The following LMBR1 variants were observed in gnomAD, a reference collection of about 807,000 sequenced individuals.
LMBR1 encodes the protein limb region 1 protein homolog.
LMBR1 carries 52 observed loss-of-function variants against 73.9 expected under a neutral mutation model. The observed-to-expected ratio is 0.70, with a 90% CI of 0.56 to 0.89. The LOEUF is 0.89. Among genes scored for constraint, LMBR1 ranks in the 40% least tolerant of loss-of-function variants. LMBR1 has a pLI of 0.00. For synonymous variants in LMBR1, 215 were observed against 209.4 expected (o/e 1.03, Z -0.23); for missense variants, 539 against 579.8 (o/e 0.93, Z 0.72).
rs1193026423 is a variant in LMBR1, at chr7:156,685,697, T to C, written c.1388-1534A>G. On this transcript the variant is annotated intron_variant, in intron 16 of 16. Transcript: ENST00000353442. The surrounding 1 kb of genome is among the most constrained non-coding windows in gnomAD (Gnocchi z 4.1). ...CTGTGGCCACTGTCACATAGGCAAG[T>C]GGTCTGTTATTGACCAAATGATCAT... 6.6e-6 allele frequency among the ~76,000 whole-genome samples: 1 copy of C among 152,260 alleles called. No homozygotes were observed. The highest frequency in any genetic ancestry group is 2.1e-4 in the South Asian group (1 of 4,834).
At chr7:156,832,671 G>C (rs972166856) in intron 3 of LMBR1, among the ~76,000 whole-genome samples, 2 of 152,200 alleles carry the variant, frequency 1.3e-5, no homozygotes, top group African/African-American at 4.8e-5. Flanking sequence ...TTATTTGTAT[G>C]TGTGTACAAG....
chr7:156,727,721 T>C (rs1816045286), intron 12 of LMBR1, among the ~76,000 whole-genome samples: 1 of 152,010 alleles, frequency 6.6e-6, no homozygotes, highest in South Asian at 2.1e-4. Flanking sequence ...TTCCAACACT[T>C]GAAAAAAGGC....
intron 1 of LMBR1, among the ~76,000 whole-genome samples, chr7:156,860,553 C>A (rs1797586216): frequency 6.6e-6 from 1 of 152,182 alleles, no homozygotes; most frequent in Non-Finnish European, 1.5e-5. Context: ...ACCAATCATG[C>A]CTCCCCAACA....
intron 9 of LMBR1, among the ~76,000 whole-genome samples, chr7:156,752,785 G>A (rs1821142037): frequency 6.6e-6 from 1 of 152,190 alleles, no homozygotes; most frequent in African/African-American, 2.4e-5. Flanking sequence ...GGCCAGGCAA[G>A]AGGGTCAGTC....
Position 156,669,369 on chromosome 7 carries a change from GGAGA to G in LMBR1, n.867-86_867-83del. The stretch of plus-strand genomic sequence containing the variant: ...GAAGAAAAATGCAAAGAGAGGAAGG[GGAGA>G]GAGAGTGAAGTGAGGGGTGAGATGT... On this transcript the variant is annotated intron_variant and non_coding_transcript_variant, in intron 4 of 4. Transcript: ENST00000430825. This position sits in a 1 kb window ranked among gnomAD's most constrained non-coding sequence, Gnocchi z 4.2. 3 of 152,366 alleles carry G rather than the reference GGAGA, an allele frequency of 2.0e-5. No homozygotes were observed. The highest frequency in any genetic ancestry group is 2.0e-4 in the Admixed American group (3 of 15,302). The allele number at this position is 152,366 out of a possible 1,614,324, so 9.4% of individuals were successfully genotyped here.
At position 156,891,235 on chromosome 7, in the gene LMBR1, C is replaced by T. The variant is rs13247817; in HGVS notation, c.66+1693G>A. 6.5e-3 allele frequency among the ~76,000 whole-genome samples: 592 copies of T among 90,816 alleles called. 1 individual carries two copies. Among genetic ancestry groups the T allele is most frequent in the African/African-American group, 0.017 (373 of 21,394 alleles). 59.6% of individuals were successfully genotyped at this position (90,816 alleles called of 152,430 possible). A position where few individuals can be genotyped will look rare whatever the true frequency, so the allele number is the denominator to read the frequency against. On this transcript the variant is annotated intron_variant, in intron 1 of 16. Transcript: ENST00000353442. The stretch of plus-strand genomic sequence containing the variant: ...AAATATATATATATATATATATATA[C>T]ACACACACACACACACACACACACA...
intron 1 of LMBR1, among the ~76,000 whole-genome samples, chr7:156,881,909 A>C (rs1447768191): frequency 6.6e-6 from 1 of 152,166 alleles, no homozygotes; most frequent in Non-Finnish European, 1.5e-5. Context: ...TGCTATGGAA[A>C]ATATGTGGGT....
At chr7:156,705,553 G>A (rs541471748) in intron 15 of LMBR1, among the ~76,000 whole-genome samples, 1 of 152,106 alleles carries the variant, frequency 6.6e-6, no homozygotes, top group Non-Finnish European at 1.5e-5. Flanking sequence ...GTGAGACTCT[G>A]TCGCAAAAAG....
In LMBR1 at chr7:156,682,504, G is replaced by A. The variant is rs1051997616; in HGVS notation, c.*1574C>T. On this transcript the variant is annotated 3_prime_UTR_variant, in exon 17 of 17. Coordinates refer to ENST00000353442, the MANE Select transcript of LMBR1 (RefSeq NM_022458.4). Reference sequence around the variant, plus strand: ...CTGAGAAATTCACCAGTACTATACTGGTGGTATTTACTGAAGCTTGTTTAG... The same window carrying A: ...CTGAGAAATTCACCAGTACTATACTAGTGGTATTTACTGAAGCTTGTTTAG... 2.0e-5 allele frequency: 3 copies of A among 152,134 alleles called. No homozygotes were observed. The highest frequency in any genetic ancestry group is 6.5e-5 in the Admixed American group (1 of 15,272). The allele number at this position is 152,134 out of a possible 1,614,324, so 9.4% of individuals were successfully genotyped here.
intron 15 of LMBR1, among the ~76,000 whole-genome samples, chr7:156,719,651 T>A (rs1814071675): frequency 6.6e-6 from 1 of 151,944 alleles, no homozygotes; most frequent in Non-Finnish European, 1.5e-5. Context: ...GCCAAGTCAA[T>A]CCTAAGCCAA....
rs139882752 is a variant in LMBR1 at position 156,885,054 on chromosome 7, T to C, written c.66+7874A>G. 8.1e-3 allele frequency among the ~76,000 whole-genome samples: 1,229 copies of C among 151,828 alleles called. 2 individuals are homozygous for C. Among genetic ancestry groups the C allele is most frequent in the Middle Eastern group, 0.017 (5 of 294 alleles). The stretch of plus-strand genomic sequence containing the variant: ...TGGGAAGGTTCTAAAATCTCTGTTG[T>C]GTAAGTCCCAGTCTGGCTGGGCACG... On this transcript the variant is annotated intron_variant, in intron 1 of 16. Coordinates refer to ENST00000353442, the MANE Select transcript of LMBR1 (RefSeq NM_022458.4).
intron 15 of LMBR1, among the ~76,000 whole-genome samples, chr7:156,697,381 C>T (rs185657115): frequency 2.3e-4 from 35 of 152,236 alleles, no homozygotes; most frequent in South Asian, 8.3e-4. Context: ...AAACAGGGTT[C>T]GAGAGCAGAG....
At position 156,763,195 on chromosome 7, in the gene LMBR1, T is replaced by A. The variant is rs1300137988; in HGVS notation, c.551-19A>T. ...CAGAGATCTATTAAAAAAAAGTAAA[T>A]ATATTTTAATAAATCCAAAATACTG... On this transcript the variant is annotated intron_variant, in intron 6 of 16. Coordinates refer to ENST00000353442, the MANE Select transcript of LMBR1 (RefSeq NM_022458.4). 9.2e-7 allele frequency: 1 copy of A among 1,086,724 alleles called. No homozygotes were observed. The highest frequency in any genetic ancestry group is 1.5e-5 in the South Asian group (1 of 67,048). 67.3% of individuals were successfully genotyped at this position (1,086,724 alleles called of 1,614,324 possible).
intron 1 of LMBR1, among the ~76,000 whole-genome samples, chr7:156,875,657 T>C (rs952914838): frequency 1.3e-5 from 2 of 152,194 alleles, no homozygotes; most frequent in Admixed American, 1.3e-4. Context: ...TGGGGCCCTA[T>C]CTTCAGCCTC....
At chr7:156,804,160 A>T (rs911077133) in intron 4 of LMBR1, among the ~76,000 whole-genome samples, 12 of 152,164 alleles carry the variant, frequency 7.9e-5, no homozygotes, top group East Asian at 3.9e-4. Context: ...AAAATAAAAT[A>T]AAAAAAAGAT....
downstream of LMBR1, chr7:156,675,848 G>A: frequency 6.2e-7 from 1 of 1,613,766 alleles, no homozygotes; most frequent in Non-Finnish European, 8.5e-7. Context: ...AGGAATGGGA[G>A]AAAATCCAAG....
rs141915823 is a variant in LMBR1, at chr7:156,829,610, A to T, written c.180-2866T>A. The stretch of plus-strand genomic sequence containing the variant: ...CTTTCTTTATCAACTACCCAGTTTC[A>T]AGTGCTCCTTTATAGCAACACATAA... On this transcript the variant is annotated intron_variant, in intron 3 of 16. Transcript: ENST00000353442. 3.3e-3 allele frequency among the ~76,000 whole-genome samples: 496 copies of T among 152,314 alleles called. 6 individuals carry two copies. Among genetic ancestry groups the T allele is most frequent in the African/African-American group, 0.011 (461 of 41,566 alleles).
intron 1 of LMBR1, among the ~76,000 whole-genome samples, chr7:156,843,025 T>C (rs546815041): frequency 7.9e-5 from 12 of 152,312 alleles, no homozygotes; most frequent in African/African-American, 2.4e-4. Flanking sequence ...CAACTCAAAG[T>C]GGTCAGTAAA....
rs117510790 is a variant in LMBR1 at position 156,802,839 on chromosome 7, T to C, written c.320-6347A>G. Among the ~76,000 whole-genome samples, 63 of 151,958 alleles carry C rather than the reference T, an allele frequency of 4.1e-4. 1 individual carries two copies. The East Asian group carries it at 0.012, about 28-fold the overall frequency. On this transcript the variant is annotated intron_variant, in intron 4 of 16. Transcript: ENST00000353442. ...TGCACTTTAGAAAAGAACTCAGAAA[T>C]AATGCCGCATGTCTACAACTATCTG...
Sources: allele counts gnomAD v4.1 joint callset (sites outside exome capture counted in the v4.1 genomes callset), GRCh38; gene constraint gnomAD v4.1.1; non-coding constraint Gnocchi (gnomAD v3.1); transcripts MANE v1.5; gene names NCBI Gene and HGNC (gene_info 2026-07-23, HGNC 2026-07-21).